Variants in UBAC2 observed in about 807,000 individuals in gnomAD.
UBAC2 encodes ubiquitin-associated domain-containing protein 2.
A neutral mutation model predicts 44.0 loss-of-function variants in UBAC2; 26 were observed. That is an observed-to-expected ratio of 0.59 (90% CI 0.43 to 0.82). The LOEUF is 0.82. UBAC2 is among the 40% of genes least tolerant of loss of function. The pLI is 0.00. For missense variants in UBAC2, 329 were observed against 419.4 expected, an observed-to-expected ratio of 0.78 and a Z score of 1.88; for synonymous variants, 155 against 154.3, an observed-to-expected ratio of 1.00 and a Z score of -0.04.
At chr13:99,248,920 TTTC>T (rs1774531691) in intron 4 of UBAC2, among the ~76,000 whole-genome samples, 1 of 152,174 alleles carries the variant, frequency 6.6e-6, no homozygotes, top group Non-Finnish European at 1.5e-5. Flanking sequence ...TCTTTCCCTC[TTTC>T]TTCTTATTTT....
At chr13:99,250,654 T>C (rs1284444800) in intron 4 of UBAC2, among the ~76,000 whole-genome samples, 4 of 152,232 alleles carry the variant, frequency 2.6e-5, no homozygotes, top group African/African-American at 9.6e-5. Context: ...TGTAGATTGC[T>C]TTGGTCAGTA....
chr13:99,202,094 A>T (rs1172837994), intron 1 of UBAC2, among the ~76,000 whole-genome samples: 3 of 146,818 alleles, frequency 2.0e-5, no homozygotes, highest in Non-Finnish European at 4.5e-5. Context: ...AAAAAAAAAA[A>T]GATCTGTTGG....
chr13:99,365,384 T>C (rs772091491), intron 7 of UBAC2, among the ~76,000 whole-genome samples: 1 of 152,162 alleles, frequency 6.6e-6, no homozygotes, highest in Non-Finnish European at 1.5e-5. Flanking sequence ...TTAAATTGGG[T>C]ATAGTTAACC....
At position 99,295,509 on chromosome 13, in the gene UBAC2, G is replaced by A; in HGVS notation, c.390-18588G>A. 2 of 1,613,944 alleles carry A rather than the reference G, an allele frequency of 1.2e-6. No individual in the cohort carries two copies. The highest frequency in any genetic ancestry group is 2.2e-5 in the South Asian group (2 of 91,064). On this transcript the variant is annotated intron_variant, in intron 4 of 8. Transcript: ENST00000403766. This position sits in a 1 kb window ranked among gnomAD's most constrained non-coding sequence, Gnocchi z 4.1. ...CAGCAGATCTGAGAATAGCAGATGAGAATGATTATAAGTGGAAGTACATAT... is the reference window on the plus strand; with the variant it reads ...CAGCAGATCTGAGAATAGCAGATGAAAATGATTATAAGTGGAAGTACATAT...
intron 4 of UBAC2, among the ~76,000 whole-genome samples, chr13:99,301,228 C>G (rs559826640): frequency 3.3e-5 from 5 of 152,334 alleles, no homozygotes; most frequent in East Asian, 1.9e-4. Flanking sequence ...TGGATAATGA[C>G]TGGGCCACAG....
intron 4 of UBAC2, among the ~76,000 whole-genome samples, chr13:99,292,130 T>C (rs1294712554): frequency 6.6e-6 from 1 of 151,972 alleles, no homozygotes; most frequent in Admixed American, 6.6e-5. Context: ...TACATTCCTT[T>C]TTTTTTTCTT....
At chr13:99,285,847 G>C (rs912058061) in intron 4 of UBAC2, among the ~76,000 whole-genome samples, 3 of 152,160 alleles carry the variant, frequency 2.0e-5, no homozygotes, top group African/African-American at 7.2e-5. Context: ...CTTGAATTCA[G>C]TATGAGCCAA....
At chr13:99,294,249 T>TAGGG (rs2044134258) in intron 4 of UBAC2, among the ~76,000 whole-genome samples, 1 of 152,140 alleles carries the variant, frequency 6.6e-6, no homozygotes, top group South Asian at 2.1e-4. Flanking sequence ...AATGATCCCC[T>TAGGG]AGTGATCCCA....
intron 8 of UBAC2, among the ~76,000 whole-genome samples, chr13:99,368,726 T>TGTGTGTGTGTGTGTGTGTAC (rs57174182): frequency 6.9e-6 from 1 of 145,480 alleles, no homozygotes; most frequent in African/African-American, 2.6e-5. Flanking sequence ...TGTGTGTGTG[T>TGTGTGTGTGTGTGTGTGTAC]ACACATACCC....
At chr13:99,256,011 G>A (rs1485555723) in intron 4 of UBAC2, 8 of 732,244 alleles carry the variant, frequency 1.1e-5, no homozygotes, top group African/African-American at 1.1e-4. Context: ...AAGTTCGAGA[G>A]CATTTAATCA....
chr13:99,248,761 C>T (rs980087530), intron 4 of UBAC2, among the ~76,000 whole-genome samples: 8 of 151,844 alleles, frequency 5.3e-5, no homozygotes, highest in Non-Finnish European at 1.5e-5. Context: ...TCCTGGCCTC[C>T]AGCGATCCTC....
Position 99,367,827 on chromosome 13 carries a change from G to GTCAGCGACAAAACGTAAACTA in UBAC2, c.853_873dup (p.Arg285_Gln291dup). On this transcript the variant is annotated inframe_insertion, in exon 8 of 9. Coordinates refer to ENST00000403766, the MANE Select transcript of UBAC2 (RefSeq NM_001144072.2). Reference sequence around the variant, plus strand: ...TGGAATCGTCTTTTTCCTCCTTTACGTCAGCGACAAAACGTAAACTATCAG... The same window carrying GTCAGCGACAAAACGTAAACTA: ...TGGAATCGTCTTTTTCCTCCTTTACGTCAGCGACAAAACGTAAACTATCAGCGACAAAACGTAAACTATCAG... 1 of 1,613,772 alleles carries GTCAGCGACAAAACGTAAACTA rather than the reference G, an allele frequency of 6.2e-7. No homozygotes were observed. The highest frequency in any genetic ancestry group is 8.5e-7 in the Non-Finnish European group (1 of 1,179,810).
At chr13:99,254,533 G>A (rs761005623) in intron 4 of UBAC2, among the ~76,000 whole-genome samples, 48 of 152,034 alleles carry the variant, frequency 3.2e-4, no homozygotes, top group Non-Finnish European at 4.7e-4. Flanking sequence ...GTGCAAATTA[G>A]ACCTAAGGGA....
chr13:99,226,454 C>T (rs1009965038), intron 1 of UBAC2, among the ~76,000 whole-genome samples: 3 of 152,192 alleles, frequency 2.0e-5, no homozygotes, highest in Non-Finnish European at 4.4e-5. Flanking sequence ...CTCCTTTCTT[C>T]CCTGGATTCC....
chr13:99,317,246 T>C (rs1460597328), intron 5 of UBAC2, among the ~76,000 whole-genome samples: 2 of 152,194 alleles, frequency 1.3e-5, no homozygotes, highest in Admixed American at 1.3e-4. Flanking sequence ...ATCCTGCCTC[T>C]TCTTCCACAA....
chr13:99,353,000 G>A (rs1177955345), intron 7 of UBAC2, among the ~76,000 whole-genome samples: 1 of 152,334 alleles, frequency 6.6e-6, no homozygotes, highest in South Asian at 2.1e-4. Context: ...AAGCTGGCAC[G>A]TGGCACCCTC....
At chr13:99,278,596 A>C (rs1435098498) in intron 4 of UBAC2, among the ~76,000 whole-genome samples, 2 of 152,212 alleles carry the variant, frequency 1.3e-5, no homozygotes, top group Non-Finnish European at 2.9e-5. Flanking sequence ...AAAGTGAAAA[A>C]AAGTGATATT....
At chr13:99,371,151 G>A (rs1004317679) in intron 8 of UBAC2, among the ~76,000 whole-genome samples, 1 of 151,866 alleles carries the variant, frequency 6.6e-6, no homozygotes, top group African/African-American at 2.4e-5. Context: ...AAGTCTTCAG[G>A]GTTGTTTTTT....
At chr13:99,257,397 A>G (rs1566472501) in intron 4 of UBAC2, among the ~76,000 whole-genome samples, 1 of 152,118 alleles carries the variant, frequency 6.6e-6, no homozygotes, top group Non-Finnish European at 1.5e-5. Flanking sequence ...TTTTTTTAGT[A>G]TTGCATCAGG....
Sources: allele counts gnomAD v4.1 joint callset (sites outside exome capture counted in the v4.1 genomes callset), GRCh38; gene constraint gnomAD v4.1.1; non-coding constraint Gnocchi (gnomAD v3.1); transcripts MANE v1.5; gene names NCBI Gene and HGNC (gene_info 2026-07-23, HGNC 2026-07-21).